The following NCKAP5 variants were observed in gnomAD, a reference collection of about 807,000 sequenced individuals.
NCKAP5 encodes the protein NCK associated protein 5, also known as nck-associated protein 5.
Under a neutral mutation model 167.0 loss-of-function variants are expected in NCKAP5, and 92 were observed. The ratio of observed to expected loss-of-function variants is 0.55; its 90% CI spans 0.47 to 0.66. NCKAP5 has a LOEUF of 0.66. Ranked by LOEUF, NCKAP5 falls within the 30% of genes least tolerant of loss-of-function variation. The probability of loss-of-function intolerance (pLI) is 0.00; values close to 1 mark genes in which losing one functional copy is unlikely to be tolerated. For missense variants in NCKAP5, 2,378 were observed against 2,315.0 expected, an observed-to-expected ratio of 1.03 and a Z score of -0.56; for synonymous variants, 891 against 877.4, an observed-to-expected ratio of 1.02 and a Z score of -0.27.
chr2:133,046,427 G>A (rs907942047), intron 6 of NCKAP5, among the ~76,000 whole-genome samples: 5 of 152,214 alleles, frequency 3.3e-5, no homozygotes, highest in African/African-American at 1.2e-4. Flanking sequence ...TCCCCAGGCT[G>A]GAGTGGAGTG....
At position 133,548,104 on chromosome 2, in the gene NCKAP5, G is replaced by A. The variant is rs571097204; in HGVS notation, c.-62+10946C>T. On this transcript the variant is annotated intron_variant, in intron 2 of 19. Coordinates refer to ENST00000409261, the MANE Select transcript of NCKAP5 (RefSeq NM_207363.3). Reference sequence around the variant, plus strand: ...ATGCAGAAGCCTCAGGAGCCAATGCGATCAACTGGAAGAAAGGGTATCAGC... The same window carrying A: ...ATGCAGAAGCCTCAGGAGCCAATGCAATCAACTGGAAGAAAGGGTATCAGC... Among the ~76,000 whole-genome samples, 27 of 148,970 alleles carry A rather than the reference G, an allele frequency of 1.8e-4. 1 individual carries two copies. In the East Asian group the frequency reaches 2.9e-3, roughly 16 times the overall value.
intron 12 of NCKAP5, among the ~76,000 whole-genome samples, chr2:132,795,833 A>C (rs1453253736): frequency 1.8e-4 from 27 of 149,836 alleles, no homozygotes; most frequent in African/African-American, 4.2e-4. Context: ...AAAAAAAAAA[A>C]AAAAACAAAA....
chr2:133,488,293 AC>A (rs890263775), intron 3 of NCKAP5, among the ~76,000 whole-genome samples: 17 of 152,270 alleles, frequency 1.1e-4, no homozygotes, highest in African/African-American at 4.1e-4. Context: ...TGAAAAGCAA[AC>A]AAAACAACCA....
chr2:133,425,501 T>C (rs1253641315), intron 3 of NCKAP5, among the ~76,000 whole-genome samples: 2 of 151,768 alleles, frequency 1.3e-5, no homozygotes, highest in African/African-American at 2.4e-5. Context: ...TAGATAACAC[T>C]GGAAACAGAT....
intron 4 of NCKAP5, among the ~76,000 whole-genome samples, chr2:133,284,404 C>A (rs2090034916): frequency 6.6e-6 from 1 of 152,112 alleles, no homozygotes; most frequent in South Asian, 2.1e-4. Context: ...ACTGGCCCAT[C>A]ACACAGTTAA....
intron 4 of NCKAP5, among the ~76,000 whole-genome samples, chr2:133,292,840 A>G (rs941196687): frequency 7.2e-5 from 11 of 152,206 alleles, no homozygotes; most frequent in African/African-American, 2.7e-4. Context: ...TCAATTTTAT[A>G]TCTTTGTTGG....
Position 133,219,936 on chromosome 2 carries a change from C to T in NCKAP5, c.144-6157G>A, listed in dbSNP as rs150453657. On this transcript the variant is annotated intron_variant, in intron 4 of 19. Coordinates refer to ENST00000409261, the MANE Select transcript of NCKAP5 (RefSeq NM_207363.3). ...TTTCACAGAATCTCATTTGTCCTTG[C>T]GTTTAGTAGTTCCTGGCACGCCATA... Among the ~76,000 whole-genome samples, 442 of 152,180 alleles carry T rather than the reference C, an allele frequency of 2.9e-3. 1 individual carries two copies. Among genetic ancestry groups the T allele is most frequent in the African/African-American group, 0.01 (422 of 41,490 alleles).
chr2:133,091,082 T>C (rs2081163135), intron 6 of NCKAP5, among the ~76,000 whole-genome samples: 1 of 152,202 alleles, frequency 6.6e-6, no homozygotes, highest in African/African-American at 2.4e-5. Flanking sequence ...CTCTTCCTCC[T>C]GCTCTGGCCA....
chr2:133,199,064 T>A (rs776344666), intron 5 of NCKAP5, among the ~76,000 whole-genome samples: 1 of 151,972 alleles, frequency 6.6e-6, no homozygotes, highest in Non-Finnish European at 1.5e-5. Flanking sequence ...TTTAAAAAAA[T>A]ACAACTTAAC....
intron 4 of NCKAP5, among the ~76,000 whole-genome samples, chr2:133,215,878 T>A (rs1392859011): frequency 6.6e-6 from 1 of 152,050 alleles, no homozygotes; most frequent in African/African-American, 2.4e-5. Context: ...AAGTAGAAAA[T>A]CTGATGAAAT....
intron 12 of NCKAP5, among the ~76,000 whole-genome samples, chr2:132,794,648 T>TACACACAC (rs4057986): frequency 0.15 from 20,746 of 142,380 alleles, 1,622 homozygotes; most frequent in Middle Eastern, 0.22. Context: ...CAACAACAAA[T>TACACACAC]ACACACACAC....
chr2:133,245,441 T>G (rs150158830), intron 4 of NCKAP5, among the ~76,000 whole-genome samples: 2 of 152,112 alleles, frequency 1.3e-5, no homozygotes, highest in Admixed American at 6.5e-5. Context: ...AGGTCTAATA[T>G]GGGGAAAAAC....
At chr2:133,257,390 G>T (rs957726064) in intron 4 of NCKAP5, among the ~76,000 whole-genome samples, 1 of 152,150 alleles carries the variant, frequency 6.6e-6, no homozygotes, top group Non-Finnish European at 1.5e-5. Context: ...CATAACAGGC[G>T]TAAGAATGGA....
At chr2:132,773,265 G>A (rs1682247450) in intron 16 of NCKAP5, among the ~76,000 whole-genome samples, 1 of 152,192 alleles carries the variant, frequency 6.6e-6, no homozygotes, top group African/African-American at 2.4e-5. Flanking sequence ...GGTCAGCAAA[G>A]TTCCTGCGTG....
At chr2:133,657,434 C>A in the NCKAP5 span, among the ~76,000 whole-genome samples, 1 of 152,184 alleles carries the variant, frequency 6.6e-6, no homozygotes. Context: ...GCAACCTTTG[C>A]GAATATTTCA....
intron 19 of NCKAP5, among the ~76,000 whole-genome samples, chr2:132,723,283 C>T (rs1014571304): frequency 6.6e-6 from 1 of 151,762 alleles, no homozygotes; most frequent in African/African-American, 2.4e-5. Flanking sequence ...AGACTACAGG[C>T]CTCCCAAGTA....
chr2:133,637,682 TA>T, the NCKAP5 span, among the ~76,000 whole-genome samples: 1 of 148,238 alleles, frequency 6.7e-6, no homozygotes, highest in Non-Finnish European at 1.5e-5. Flanking sequence ...GAAAACTTTT[TA>T]AAAGTTCATA....
At chr2:133,154,805 A>G (rs12467278) in intron 5 of NCKAP5, among the ~76,000 whole-genome samples, 32,475 of 152,176 alleles carry the variant, frequency 0.21, 3,652 homozygotes, top group African/African-American at 0.24. Context: ...GGTCTATTTG[A>G]GAAATTAAGG....
intron 3 of NCKAP5, among the ~76,000 whole-genome samples, chr2:133,419,022 AT>A (rs1689301790): frequency 6.6e-6 from 1 of 152,130 alleles, no homozygotes; most frequent in African/African-American, 2.4e-5. Flanking sequence ...TCCCAAGCAG[AT>A]TTGCACTACA....
Sources: gnomAD v4.1 joint callset for allele counts (sites outside exome capture counted in the v4.1 genomes callset) on GRCh38, gnomAD v4.1.1 for gene constraint, MANE v1.5 for transcripts, NCBI Gene and HGNC (gene_info 2026-07-23, HGNC 2026-07-21) for gene names.